PPM1D: variants seen among roughly 807,000 people sequenced by gnomAD.
PPM1D encodes protein phosphatase, Mg2+/Mn2+ dependent 1D, also known as protein phosphatase 1D.
PPM1D carries 52 observed loss-of-function variants against 58.3 expected under a neutral mutation model. The observed-to-expected ratio is 0.89, with a 90% CI of 0.71 to 1.12. The LOEUF (loss-of-function observed/expected upper bound fraction) is 1.12, where lower values mean the gene tolerates loss of function less well. Among genes scored for constraint, PPM1D ranks in the 50% most tolerant of loss-of-function variants. The pLI is 0.00. For synonymous variants in PPM1D, 278 were observed against 285.1 expected, an observed-to-expected ratio of 0.98 and a Z score of 0.25; for missense variants, 564 against 777.2, an observed-to-expected ratio of 0.73 and a Z score of 3.26.
intron 2 of PPM1D, among the ~76,000 whole-genome samples, chr17:60,632,622 G>A (rs1366335385): frequency 6.6e-6 from 1 of 152,174 alleles, no homozygotes; most frequent in Non-Finnish European, 1.5e-5. Flanking sequence ...CACTTTGGGA[G>A]ACTGAAGTGG....
At position 60,663,125 on chromosome 17, in the gene PPM1D, T is replaced by TAC. The variant is rs2031555586; in HGVS notation, c.1392_1393insCA (p.Val465GlnfsTer19). 1 of 1,614,060 alleles carries TAC rather than the reference T, an allele frequency of 6.2e-7. No homozygotes were observed. The highest frequency in any genetic ancestry group is 1.1e-5 in the South Asian group (1 of 91,082). ...ATAGCTCGAGAGAATGTCCAAGGTGTAGTCATACCCTCAAAAGATCCAGAA... is the reference window on the plus strand; with the variant it reads ...ATAGCTCGAGAGAATGTCCAAGGTGTACAGTCATACCCTCAAAAGATCCAGAA... On this transcript the variant is annotated frameshift_variant, in exon 6 of 6. Coordinates refer to ENST00000305921, the MANE Select transcript of PPM1D (RefSeq NM_003620.4). LOFTEE classifies it high-confidence loss of function.
Position 60,665,726 on chromosome 17 carries a change from T to A in PPM1D, c.*2174T>A, listed in dbSNP as rs2031606127. ...GTGGTTTAGCTGGGTGATAGTCTCG[T>A]GGTTTTGGTCAAGCTACCAACCAGG... is the stretch of plus-strand genomic sequence containing the variant. On this transcript the variant is annotated 3_prime_UTR_variant, in exon 6 of 6. Transcript: ENST00000305921. 1 of 152,166 alleles carries A rather than the reference T, an allele frequency of 6.6e-6. No homozygotes were observed. The highest frequency in any genetic ancestry group is 2.4e-5 in the African/African-American group (1 of 41,438). The allele number at this position is 152,166 out of a possible 1,614,324, so 9.4% of individuals were successfully genotyped here. A position where few individuals can be genotyped will look rare whatever the true frequency, so the allele number is the denominator to read the frequency against.
At chr17:60,644,989 AG>A (rs1219356485) in intron 3 of PPM1D, among the ~76,000 whole-genome samples, 19 of 152,216 alleles carry the variant, frequency 1.2e-4, no homozygotes, top group African/African-American at 4.1e-4. Context: ...GTCAAAACCC[AG>A]AGTTTAAAAA....
chr17:60,629,465 C>G (rs375878364), intron 2 of PPM1D, among the ~76,000 whole-genome samples: 12 of 152,280 alleles, frequency 7.9e-5, no homozygotes, highest in Non-Finnish European at 1.3e-4. Flanking sequence ...CTATTTCCTG[C>G]CCAGTATTCT....
At chr17:60,613,901 G>A (rs905881393) in intron 1 of PPM1D, among the ~76,000 whole-genome samples, 9 of 65,498 alleles carry the variant, frequency 1.4e-4, no homozygotes, top group Admixed American at 3.2e-4. Context: ...CCCCCCCCCC[G>A]CCACCCCCCC....
intron 3 of PPM1D, among the ~76,000 whole-genome samples, chr17:60,645,508 A>ATG (rs1304113048): frequency 7.5e-6 from 1 of 132,546 alleles, no homozygotes; most frequent in African/African-American, 3.1e-5. Flanking sequence ...GTATATATAT[A>ATG]TGTGTATATA....
chr17:60,613,653 T>C (rs1199208854), intron 1 of PPM1D, among the ~76,000 whole-genome samples: 1 of 152,294 alleles, frequency 6.6e-6, no homozygotes, highest in African/African-American at 2.4e-5. Flanking sequence ...GTGCTGCACT[T>C]GTGGGCCAGC....
At chr17:60,649,455 G>A (rs2031305136) in intron 4 of PPM1D, among the ~76,000 whole-genome samples, 1 of 151,900 alleles carries the variant, frequency 6.6e-6, no homozygotes, top group Non-Finnish European at 1.5e-5. Context: ...TTGGGAGGCT[G>A]AGGCGGGTGG....
chr17:60,611,707 C>T (rs2030459594), intron 1 of PPM1D, among the ~76,000 whole-genome samples: 1 of 152,148 alleles, frequency 6.6e-6, no homozygotes, highest in South Asian at 2.1e-4. Context: ...GTGTGAGCTG[C>T]CACGCCTGGC....
chr17:60,629,430 C>G (rs916431749), intron 2 of PPM1D, among the ~76,000 whole-genome samples: 1 of 152,168 alleles, frequency 6.6e-6, no homozygotes, highest in Non-Finnish European at 1.5e-5. Context: ...AGACAATATC[C>G]TTGAAGCTGC....
At chr17:60,621,393 G>A (rs1164477631) in intron 1 of PPM1D, among the ~76,000 whole-genome samples, 1 of 150,528 alleles carries the variant, frequency 6.6e-6, no homozygotes, top group African/African-American at 2.5e-5. Context: ...TTGTTTGTTT[G>A]TTTGTTTGTT....
intron 1 of PPM1D, among the ~76,000 whole-genome samples, chr17:60,614,293 C>T (rs1412828326): frequency 6.6e-6 from 1 of 152,142 alleles, no homozygotes; most frequent in Non-Finnish European, 1.5e-5. Context: ...ATCTTTATGT[C>T]TAGCCAAGGT....
intron 2 of PPM1D, among the ~76,000 whole-genome samples, chr17:60,633,548 C>T (rs979987315): frequency 6.6e-6 from 1 of 152,016 alleles, no homozygotes; most frequent in South Asian, 2.1e-4. Context: ...TTCTGTCAAC[C>T]CCCAATTGTT....
At chr17:60,657,258 C>A in intron 5 of PPM1D, 1 of 302,706 alleles carries the variant, frequency 3.3e-6, no homozygotes, top group Non-Finnish European at 4.9e-6. Flanking sequence ...TGAGCTGGAC[C>A]TGAGGATAGC....
chr17:60,630,020 A>T (rs570644415), intron 2 of PPM1D, among the ~76,000 whole-genome samples: 1 of 151,970 alleles, frequency 6.6e-6, no homozygotes, highest in Non-Finnish European at 1.5e-5. Context: ...AGCCTGCCCA[A>T]CAAGAGTGAA....
At chr17:60,619,035 C>T (rs1312414427) in intron 1 of PPM1D, among the ~76,000 whole-genome samples, 2 of 152,142 alleles carry the variant, frequency 1.3e-5, no homozygotes, top group Non-Finnish European at 2.9e-5. Flanking sequence ...ACCAACATCT[C>T]CCCACTTCTC....
intron 1 of PPM1D, among the ~76,000 whole-genome samples, chr17:60,601,887 GTT>G: frequency 6.6e-6 from 1 of 152,256 alleles, no homozygotes; most frequent in East Asian, 1.9e-4. Context: ...ATGCATCTTT[GTT>G]AGAGCAAAGA....
At chr17:60,645,646 G>GTATATATATATA (rs544614194) in intron 3 of PPM1D, among the ~76,000 whole-genome samples, 1 of 126,574 alleles carries the variant, frequency 7.9e-6, no homozygotes, top group African/African-American at 3.5e-5. Flanking sequence ...GTGTGTGTGT[G>GTATATATATATA]TATATATATA....
At chr17:60,602,987 T>TA (rs2030249507) in intron 1 of PPM1D, among the ~76,000 whole-genome samples, 1 of 152,198 alleles carries the variant, frequency 6.6e-6, no homozygotes, top group South Asian at 2.1e-4. Context: ...GAATTTCCAT[T>TA]ACATTAGTCT....
Sources: allele counts gnomAD v4.1 joint callset (sites outside exome capture counted in the v4.1 genomes callset), GRCh38; gene constraint gnomAD v4.1.1; transcripts MANE v1.5; gene names NCBI Gene and HGNC (gene_info 2026-07-23, HGNC 2026-07-21).